NAB1: variants seen among roughly 807,000 people sequenced by gnomAD.
The protein encoded by NAB1 is NGFI-A-binding protein 1.
A neutral mutation model predicts 49.9 loss-of-function variants in NAB1; 25 were observed. The observed-to-expected ratio is 0.50, with a 90% CI of 0.37 to 0.70. NAB1 has a LOEUF of 0.70. Among genes scored for constraint, NAB1 ranks in the 30% least tolerant of loss-of-function variants. The pLI, the probability that NAB1 is intolerant of heterozygous loss-of-function variation, is 0.00. For synonymous variants in NAB1, 198 were observed against 215.6 expected, an observed-to-expected ratio of 0.92 and a Z score of 0.71; for missense variants, 489 against 575.9, an observed-to-expected ratio of 0.85 and a Z score of 1.54.
At chr2:190,660,588 C>T (rs1184047658) in intron 4 of NAB1, among the ~76,000 whole-genome samples, 1 of 152,180 alleles carries the variant, frequency 6.6e-6, no homozygotes, top group Non-Finnish European at 1.5e-5. Context: ...GTCCATATAA[C>T]ATTATACTTC....
rs1468129568 is a variant in NAB1, at chr2:190,686,085, G to C, written c.1258+447G>C. ...AGTGTTATGACAGAGTACAGCTCAG[G>C]TTTAGAAAGCCATGTGATTCGTGAG... On this transcript the variant is annotated intron_variant, in intron 8 of 9. Transcript: ENST00000337386. The surrounding 1 kb of genome is among the most constrained non-coding windows in gnomAD (Gnocchi z 5.5). 6.6e-6 allele frequency among the ~76,000 whole-genome samples: 1 copy of C among 152,210 alleles called. No individual in the cohort carries two copies. Among genetic ancestry groups the C allele is most frequent in the Non-Finnish European group, 1.5e-5 (1 of 68,042 alleles).
chr2:190,688,782 C>G (rs1327988662), intron 9 of NAB1, among the ~76,000 whole-genome samples: 1 of 151,100 alleles, frequency 6.6e-6, no homozygotes, highest in Non-Finnish European at 1.5e-5. Context: ...TTCTTCCTTT[C>G]CTTTCTTTCC....
intron 4 of NAB1, among the ~76,000 whole-genome samples, chr2:190,660,406 A>G (rs1227847380): frequency 3.9e-5 from 6 of 152,238 alleles, no homozygotes; most frequent in South Asian, 2.1e-4. Context: ...ACTTAAAGCA[A>G]TTCTCAGCTA....
rs545963717 is a variant in NAB1 at position 190,674,162 on chromosome 2, T to C, written c.1005+1010T>C. On this transcript the variant is annotated intron_variant, in intron 6 of 9. Transcript: ENST00000337386. This position sits in a 1 kb window ranked among gnomAD's most constrained non-coding sequence, Gnocchi z 5.7. The stretch of plus-strand genomic sequence containing the variant: ...TTAACTCCTTTCAGTGGCTTTCTAC[T>C]GTACCTGGAATAAAATCTAAACTTT... Among the ~76,000 whole-genome samples, 12 of 152,312 alleles carry C rather than the reference T, an allele frequency of 7.9e-5. No homozygotes were observed. Among genetic ancestry groups the C allele is most frequent in the Non-Finnish European group, 1.2e-4 (8 of 68,026 alleles).
chr2:190,683,796 A>C lies in NAB1; in HGVS notation c.1064A>C (p.Lys355Thr). 1 of 1,613,818 alleles carries C rather than the reference A, an allele frequency of 6.2e-7. No homozygotes were observed. Among genetic ancestry groups the C allele is most frequent in the East Asian group, 2.2e-5 (1 of 44,850 alleles). ...ACACTCTTCCAGCAGGCTAGAGCTAAGAGTGAAGAACTTGCAGCTCTTAGT... is the reference window on the plus strand; with the variant it reads ...ACACTCTTCCAGCAGGCTAGAGCTACGAGTGAAGAACTTGCAGCTCTTAGT... ...VQTLFQQARA[K>T]SEELAALSSQ... The change falls in exon 7 of 10, where the codon AAG becomes ACG. Residue 355 changes from lysine to threonine, a missense_variant. This residue lies in a region of NAB1 where 212 missense variants were observed against 199.3 expected (regional missense o/e 1.06). Coordinates refer to ENST00000337386, the MANE Select transcript of NAB1 (RefSeq NM_005966.4).
Position 190,654,796 on chromosome 2 carries a change from G to A in NAB1, c.-196-1181G>A, listed in dbSNP as rs1433067059. Among the ~76,000 whole-genome samples, 1 of 152,126 alleles carries A rather than the reference G, an allele frequency of 6.6e-6. No homozygotes were observed. The highest frequency in any genetic ancestry group is 2.4e-5 in the African/African-American group (1 of 41,422). ...TGCTTTTGAGGCAGAGAAAGAAGTG[G>A]TGGTGTAGCCTAAGGACATGTAGAT... On this transcript the variant is annotated intron_variant, in intron 2 of 9. Coordinates refer to ENST00000337386, the MANE Select transcript of NAB1 (RefSeq NM_005966.4). This position sits in a 1 kb window ranked among gnomAD's most constrained non-coding sequence, Gnocchi z 5.6.
In NAB1 at chr2:190,680,652, T is replaced by G. The variant is rs757260590; in HGVS notation, c.1006-3086T>G. Among the ~76,000 whole-genome samples, 2 of 152,222 alleles carry G rather than the reference T, an allele frequency of 1.3e-5. No individual in the cohort carries two copies. Among genetic ancestry groups the G allele is most frequent in the Non-Finnish European group, 2.9e-5 (2 of 68,038 alleles). ...TAAACACATGTTTCTAGATTTCCAGTGTTCTTTTCACTGAGATAGTTCCCC... is the reference window on the plus strand; with the variant it reads ...TAAACACATGTTTCTAGATTTCCAGGGTTCTTTTCACTGAGATAGTTCCCC... On this transcript the variant is annotated intron_variant, in intron 6 of 9. Transcript: ENST00000337386. This position sits in a 1 kb window ranked among gnomAD's most constrained non-coding sequence, Gnocchi z 5.2.
intron 2 of NAB1, among the ~76,000 whole-genome samples, chr2:190,653,029 ATTC>A (rs1363438515): frequency 1.2e-4 from 19 of 152,174 alleles, no homozygotes; most frequent in South Asian, 4.1e-4. Context: ...GCCCAAGACA[ATTC>A]TTCTTCCAGT....
chr2:190,690,029 C>CATATG (rs1446936027), intron 9 of NAB1, among the ~76,000 whole-genome samples: 1 of 14,048 alleles, frequency 7.1e-5, no homozygotes, highest in Non-Finnish European at 1.5e-4. Flanking sequence ...TATATGTATA[C>CATATG]TATATGTATA....
At chr2:190,655,651 T>G (rs935589060) in intron 2 of NAB1, among the ~76,000 whole-genome samples, 4 of 152,166 alleles carry the variant, frequency 2.6e-5, no homozygotes, top group African/African-American at 9.7e-5. Flanking sequence ...GTTCTTCTTT[T>G]CTCTAGTGAC....
At position 190,659,958 on chromosome 2, in the gene NAB1, C is replaced by T; in HGVS notation, c.782C>T (p.Ser261Leu). 6.2e-7 allele frequency: 1 copy of T among 1,613,776 alleles called. No individual in the cohort carries two copies. Among genetic ancestry groups the T allele is most frequent in the Non-Finnish European group, 8.5e-7 (1 of 1,179,710 alleles). Reference protein sequence around the residue: ...KYSAIYGRFDSKRKDGKHLTL... With the variant: ...KYSAIYGRFDLKRKDGKHLTL... ...AGTGCAATATATGGCAGATTTGACT[C>T]AAAGAGGAAGGATGGGAAACATCTC... The change falls in exon 4 of 10, where the codon TCA (serine) becomes TTA (leucine). Residue 261 changes from serine to leucine, a missense_variant. Physicochemically the swap from Ser to Leu is moderately radical, Grantham distance 145 (BLOSUM62 -2). Coordinates refer to ENST00000337386, the MANE Select transcript of NAB1 (RefSeq NM_005966.4). This position sits in a 1 kb window ranked among gnomAD's most constrained non-coding sequence, Gnocchi z 6.2.
chr2:190,690,219 C>T lies in NAB1; in HGVS notation c.1376-26C>T, dbSNP rs564281907. The T allele has an allele frequency of 2.4e-5, 36 of 1,498,070 alleles. No individual in the cohort carries two copies. The African/African-American group carries it at 4.3e-4, about 18-fold the overall frequency. The allele number at this position is 1,498,070 out of a possible 1,614,324, so 92.8% of individuals were successfully genotyped here. A position where few individuals can be genotyped will look rare whatever the true frequency, so the allele number is the denominator to read the frequency against. On this transcript the variant is annotated intron_variant, in intron 9 of 9. Coordinates refer to ENST00000337386, the MANE Select transcript of NAB1 (RefSeq NM_005966.4). ...TGTAGTCCATTGATTAAAATATCAA[C>T]TCACTTTGTTTCCATTTTTATGTAG...
Position 190,676,804 on chromosome 2 carries a change from A to G in NAB1, c.1005+3652A>G, listed in dbSNP as rs948308343. 1 of 152,226 alleles carries G rather than the reference A, an allele frequency of 6.6e-6. No individual in the cohort carries two copies. The highest frequency in any genetic ancestry group is 2.4e-5 in the African/African-American group (1 of 41,462). 9.4% of individuals were successfully genotyped at this position (152,226 alleles called of 1,614,324 possible). A position where few individuals can be genotyped will look rare whatever the true frequency, so the allele number is the denominator to read the frequency against. ...ATGAGACAAGTTTTTCTCTTTTTTC[A>G]AATCTTTAAGTGTTCTAAAATCCTT... On this transcript the variant is annotated intron_variant, in intron 6 of 9. Coordinates refer to ENST00000337386, the MANE Select transcript of NAB1 (RefSeq NM_005966.4). The surrounding 1 kb of genome is among the most constrained non-coding windows in gnomAD (Gnocchi z 4.6).
At position 190,685,694 on chromosome 2, in the gene NAB1, A is replaced by C; in HGVS notation, c.1258+56A>C. 1 of 1,296,972 alleles carries C rather than the reference A, an allele frequency of 7.7e-7. No individual in the cohort carries two copies. Among genetic ancestry groups the C allele is most frequent in the South Asian group, 2.6e-5 (1 of 38,386 alleles). 80.3% of individuals were successfully genotyped at this position (1,296,972 alleles called of 1,614,324 possible). A position where few individuals can be genotyped will look rare whatever the true frequency, so the allele number is the denominator to read the frequency against. Reference sequence around the variant, plus strand: ...GGCCACTATGTGCACTTCAAAGAGAAACAGAAGACAGTGGCTGATTTTTAA... The same window carrying C: ...GGCCACTATGTGCACTTCAAAGAGACACAGAAGACAGTGGCTGATTTTTAA... On this transcript the variant is annotated intron_variant, in intron 8 of 9. Transcript: ENST00000337386. The surrounding 1 kb of genome is among the most constrained non-coding windows in gnomAD (Gnocchi z 4.5).
rs564219304 is a variant in NAB1 at position 190,663,945 on chromosome 2, T to C, written c.819+3950T>C. Among the ~76,000 whole-genome samples, 7 of 152,334 alleles carry C rather than the reference T, an allele frequency of 4.6e-5. No individual in the cohort carries two copies. The East Asian group carries it at 5.8e-4, about 13-fold the overall frequency. On this transcript the variant is annotated intron_variant, in intron 4 of 9. Coordinates refer to ENST00000337386, the MANE Select transcript of NAB1 (RefSeq NM_005966.4). The surrounding 1 kb of genome is among the most constrained non-coding windows in gnomAD (Gnocchi z 4.2). ...TTTTTCCTAATGATTTCTGACTTAA[T>C]TACATTGAGGGCAAGAGAACATGGT...
chr2:190,691,948 G>A lies in NAB1; in HGVS notation c.*1615G>A, dbSNP rs998978270. On this transcript the variant is annotated 3_prime_UTR_variant, in exon 10 of 10. Coordinates refer to ENST00000337386, the MANE Select transcript of NAB1 (RefSeq NM_005966.4). This position sits in a 1 kb window ranked among gnomAD's most constrained non-coding sequence, Gnocchi z 4.1. Reference sequence around the variant, plus strand: ...GTAGAAGTACTTTACAGTAGGAAACGCCAGTAAACAACTTTTATACTGTTA... The same window carrying A: ...GTAGAAGTACTTTACAGTAGGAAACACCAGTAAACAACTTTTATACTGTTA... 2.0e-5 allele frequency: 3 copies of A among 152,534 alleles called. No homozygotes were observed. The highest frequency in any genetic ancestry group is 7.2e-5 in the African/African-American group (3 of 41,446). 9.4% of individuals were successfully genotyped at this position (152,534 alleles called of 1,614,324 possible). A position where few individuals can be genotyped will look rare whatever the true frequency, so the allele number is the denominator to read the frequency against.
chr2:190,670,074 C>CA lies in NAB1; in HGVS notation c.820-245dup, dbSNP rs1321728226. On this transcript the variant is annotated intron_variant, in intron 4 of 9. Coordinates refer to ENST00000337386, the MANE Select transcript of NAB1 (RefSeq NM_005966.4). This position sits in a 1 kb window ranked among gnomAD's most constrained non-coding sequence, Gnocchi z 5.3. ...TCGTCTATAAACTCTCCTATCTAAC[C>CA]AAAAAAAGGATATAAATAAATAAAA... Among the ~76,000 whole-genome samples, 2 of 151,302 alleles carry CA rather than the reference C, an allele frequency of 1.3e-5. No homozygotes were observed. The highest frequency in any genetic ancestry group is 2.1e-4 in the South Asian group (1 of 4,804).
rs1468129568 is a variant in NAB1, at chr2:190,686,085, G to A, written c.1258+447G>A. On this transcript the variant is annotated intron_variant, in intron 8 of 9. Transcript: ENST00000337386. The surrounding 1 kb of genome is among the most constrained non-coding windows in gnomAD (Gnocchi z 5.5). The stretch of plus-strand genomic sequence containing the variant: ...AGTGTTATGACAGAGTACAGCTCAG[G>A]TTTAGAAAGCCATGTGATTCGTGAG... 6.6e-6 allele frequency among the ~76,000 whole-genome samples: 1 copy of A among 152,210 alleles called. No individual in the cohort carries two copies. Among genetic ancestry groups the A allele is most frequent in the Non-Finnish European group, 1.5e-5 (1 of 68,042 alleles).
chr2:190,673,067 GT>G (rs5837195), intron 5 of NAB1, 33 bp from the exon 6 acceptor site: 341,227 of 1,445,680 alleles, frequency 0.24, 4,992 homozygotes, highest in Non-Finnish European at 0.25. Flanking sequence ...ACTTTCTCAA[GT>G]TTTTTTTTTT....
Sources: allele counts gnomAD v4.1 joint callset (sites outside exome capture counted in the v4.1 genomes callset), GRCh38; gene constraint gnomAD v4.1.1; regional missense constraint gnomAD v4.1.1; non-coding constraint Gnocchi (gnomAD v3.1); transcripts MANE v1.5; gene names NCBI Gene and HGNC (gene_info 2026-07-23, HGNC 2026-07-21).